The following ADAMTS6 variants were observed in gnomAD, a reference collection of about 807,000 sequenced individuals.
The protein encoded by ADAMTS6 is A disintegrin and metalloproteinase with thrombospondin motifs 6.
ADAMTS6 carries 23 observed loss-of-function variants against 144.3 expected under a neutral mutation model. That is an observed-to-expected ratio of 0.16 (90% CI 0.11 to 0.23). The LOEUF (loss-of-function observed/expected upper bound fraction) is 0.23, where lower values mean the gene tolerates loss of function less well. ADAMTS6 is among the 10% of genes least tolerant of loss of function. The probability of loss-of-function intolerance (pLI) is 1.00; values close to 1 mark genes in which losing one functional copy is unlikely to be tolerated. For synonymous variants in ADAMTS6, 444 were observed against 457.5 expected (o/e 0.97, Z 0.38); for missense variants, 999 against 1,379.6 (o/e 0.72, Z 4.37).
chr5:65,226,499 T>G (rs1171524948), intron 15 of ADAMTS6, among the ~76,000 whole-genome samples: 1 of 151,806 alleles, frequency 6.6e-6, no homozygotes, highest in Non-Finnish European at 1.5e-5. Flanking sequence ...TATTTTATAT[T>G]TCTATATTCC....
chr5:65,413,060 A>AC (rs754534062), intron 7 of ADAMTS6, among the ~76,000 whole-genome samples: 3 of 152,172 alleles, frequency 2.0e-5, no homozygotes, highest in African/African-American at 4.8e-5. Flanking sequence ...AACTGCATTT[A>AC]CTTCTCTGTA....
intron 7 of ADAMTS6, among the ~76,000 whole-genome samples, chr5:65,419,761 C>T (rs951402848): frequency 7.9e-5 from 12 of 152,030 alleles, no homozygotes; most frequent in Non-Finnish European, 1.3e-4. Flanking sequence ...TGTGTGGTTC[C>T]ATTTAAAGGA....
At chr5:65,268,302 G>A (rs887222364) in intron 12 of ADAMTS6, among the ~76,000 whole-genome samples, 1 of 152,008 alleles carries the variant, frequency 6.6e-6, no homozygotes, top group Admixed American at 6.6e-5. Flanking sequence ...CCTTCTTTGT[G>A]GTCACCAACA....
intron 18 of ADAMTS6, among the ~76,000 whole-genome samples, chr5:65,218,046 C>A (rs1219138630): frequency 1.3e-5 from 2 of 152,076 alleles, no homozygotes; most frequent in Non-Finnish European, 2.9e-5. Flanking sequence ...GAAGAGAGAT[C>A]AGAAACTGGG....
Position 65,255,363 on chromosome 5 carries a change from C to T in ADAMTS6, c.1830+5237G>A, listed in dbSNP as rs530257885. ...AGTGATGATTTCTGAGATTCTGCAG[C>T]GGACACTGCACCCAGTGTGTAGTAT... On this transcript the variant is annotated intron_variant, in intron 14 of 24. Transcript: ENST00000381055. Among the ~76,000 whole-genome samples, 72 of 152,160 alleles carry T rather than the reference C, an allele frequency of 4.7e-4. No homozygotes were observed. The Middle Eastern group carries it at 0.01, about 22-fold the overall frequency.
At chr5:65,182,856 G>T (rs1305371695) in intron 22 of ADAMTS6, among the ~76,000 whole-genome samples, 1 of 152,042 alleles carries the variant, frequency 6.6e-6, no homozygotes, top group African/African-American at 2.4e-5. Flanking sequence ...ATATTTTCAA[G>T]AAAATGACTG....
rs1009880650 is a variant in ADAMTS6 at position 65,425,239 on chromosome 5, G to A, written c.1073+26236C>T. Among the ~76,000 whole-genome samples the A allele has an allele frequency of 9.2e-5, 14 of 152,170 alleles. 2 individuals are homozygous for A. The highest frequency in any genetic ancestry group is 9.2e-4 in the Admixed American group (14 of 15,280). On this transcript the variant is annotated intron_variant, in intron 7 of 24. Coordinates refer to ENST00000381055, the MANE Select transcript of ADAMTS6 (RefSeq NM_197941.4). ...GACGGGGTTTTGCCACGTTGGCAAG[G>A]CTGGTCTTGAACTCCTGACCTCAGG...
At chr5:65,423,204 T>C (rs1756220461) in intron 7 of ADAMTS6, among the ~76,000 whole-genome samples, 6 of 152,166 alleles carry the variant, frequency 3.9e-5, no homozygotes, top group South Asian at 2.1e-4. Flanking sequence ...AATAAAGAAG[T>C]ACATATTGGG....
At chr5:65,296,942 G>T (rs1194530118) in intron 10 of ADAMTS6, among the ~76,000 whole-genome samples, 1 of 152,110 alleles carries the variant, frequency 6.6e-6, no homozygotes, top group Admixed American at 6.6e-5. Flanking sequence ...CTAAGTGGTG[G>T]AAAATGTATG....
intron 3 of ADAMTS6, among the ~76,000 whole-genome samples, chr5:65,468,851 G>C (rs755782961): frequency 2.0e-4 from 31 of 152,168 alleles, no homozygotes; most frequent in Non-Finnish European, 3.8e-4. Flanking sequence ...CTCGTTTCCA[G>C]AATTGAATTC....
intron 9 of ADAMTS6, among the ~76,000 whole-genome samples, chr5:65,318,832 C>T (rs1255496496): frequency 6.6e-6 from 1 of 151,878 alleles, no homozygotes; most frequent in Non-Finnish European, 1.5e-5. Flanking sequence ...AGCAGGGTGG[C>T]TATAATCAAT....
At chr5:65,420,788 A>G (rs1361614551) in intron 7 of ADAMTS6, among the ~76,000 whole-genome samples, 1 of 150,600 alleles carries the variant, frequency 6.6e-6, no homozygotes, top group Non-Finnish European at 1.5e-5. Context: ...TTAGAGTCAA[A>G]TGGTAAAGTA....
chr5:65,451,730 A>T, intron 6 of ADAMTS6, 110 bp from the exon 7 acceptor site: 1 of 1,321,480 alleles, frequency 7.6e-7, no homozygotes, highest in Non-Finnish European at 1.0e-6. Context: ...GTTTCTAGGA[A>T]TAATCTCTTG....
intron 10 of ADAMTS6, among the ~76,000 whole-genome samples, chr5:65,294,285 T>C (rs1057295880): frequency 2.6e-5 from 4 of 152,198 alleles, no homozygotes; most frequent in Non-Finnish European, 5.9e-5. Flanking sequence ...AGTGGCATGA[T>C]CACAGCTAAC....
Position 65,206,563 on chromosome 5 carries a change from G to A in ADAMTS6, c.2575+8231C>T, listed in dbSNP as rs541203447. 3.9e-5 allele frequency among the ~76,000 whole-genome samples: 6 copies of A among 152,096 alleles called. No individual in the cohort carries two copies. In the South Asian group the frequency reaches 1.2e-3, roughly 32 times the overall value. On this transcript the variant is annotated intron_variant, in intron 20 of 24. Coordinates refer to ENST00000381055, the MANE Select transcript of ADAMTS6 (RefSeq NM_197941.4). ...AAATACAAAAAAATCAGCCGGGCAT[G>A]GTGGCATGCGCCTGTAATTCCAGCT... is the stretch of plus-strand genomic sequence containing the variant.
intron 11 of ADAMTS6, among the ~76,000 whole-genome samples, chr5:65,275,205 C>T (rs1762363463): frequency 1.1e-5 from 1 of 88,888 alleles, no homozygotes; most frequent in Non-Finnish European, 1.9e-5. Flanking sequence ...CAGAATGAGG[C>T]TCTGTGTCAA....
At chr5:65,178,684 T>A (rs1405742451) in intron 22 of ADAMTS6, among the ~76,000 whole-genome samples, 1 of 152,208 alleles carries the variant, frequency 6.6e-6, no homozygotes, top group East Asian at 1.9e-4. Flanking sequence ...ATGGTCCTGT[T>A]AGCACAAGAA....
Position 65,265,581 on chromosome 5 carries a change from T to G in ADAMTS6, c.1621-2619A>C, listed in dbSNP as rs76584941. Reference sequence around the variant, plus strand: ...CCTGGCCAGCAATTAACTGCTTTTTTTTTTCCCTGTCTGCAATTAATGAGA... The same window carrying G: ...CCTGGCCAGCAATTAACTGCTTTTTGTTTTCCCTGTCTGCAATTAATGAGA... On this transcript the variant is annotated intron_variant, in intron 12 of 24. Transcript: ENST00000381055. 5.6e-3 allele frequency among the ~76,000 whole-genome samples: 855 copies of G among 152,134 alleles called. 11 individuals are homozygous for G. The highest frequency in any genetic ancestry group is 0.019 in the African/African-American group (803 of 41,544).
In ADAMTS6 at chr5:65,260,524, T is replaced by A. The variant is rs980836283; in HGVS notation, c.1830+76A>T. The A allele has an allele frequency of 5.8e-6, 7 of 1,198,150 alleles. No homozygotes were observed. The Admixed American group carries it at 6.0e-5, about 10-fold the overall frequency. 74.2% of individuals were successfully genotyped at this position (1,198,150 alleles called of 1,614,324 possible). ...CACACATGTATTTCTTATCAAATAGTTTAAAATTAAAAAAATTTCCCTACT... is the reference window on the plus strand; with the variant it reads ...CACACATGTATTTCTTATCAAATAGATTAAAATTAAAAAAATTTCCCTACT... On this transcript the variant is annotated intron_variant, in intron 14 of 24. Coordinates refer to ENST00000381055, the MANE Select transcript of ADAMTS6 (RefSeq NM_197941.4).
Sources: gnomAD v4.1 joint callset for allele counts (sites outside exome capture counted in the v4.1 genomes callset) on GRCh38, gnomAD v4.1.1 for gene constraint, MANE v1.5 for transcripts, NCBI Gene and HGNC (gene_info 2026-07-23, HGNC 2026-07-21) for gene names.